MAP3K9: variants seen among roughly 807,000 people sequenced by gnomAD.
MAP3K9 encodes the protein mitogen-activated protein kinase kinase kinase 9.
In MAP3K9, 46 loss-of-function variants were observed where a neutral mutation model predicts 95.8. The observed-to-expected ratio is 0.48, with a 90% CI of 0.38 to 0.61. The LOEUF is 0.61. Ranked by LOEUF, MAP3K9 falls within the 20% of genes least tolerant of loss-of-function variation. MAP3K9 has a pLI of 0.00. For missense variants in MAP3K9, 1,296 were observed against 1,474.3 expected (o/e 0.88, Z 1.98); for synonymous variants, 533 against 593.8 (o/e 0.90, Z 1.49).
chr14:70,787,049 G>A (rs770495175), intron 2 of MAP3K9, among the ~76,000 whole-genome samples: 4 of 152,092 alleles, frequency 2.6e-5, no homozygotes, highest in Non-Finnish European at 4.4e-5. Flanking sequence ...ATATAGATAA[G>A]AATAGGAAAG....
At chr14:70,803,522 G>A (rs543118932) in intron 1 of MAP3K9, among the ~76,000 whole-genome samples, 13 of 152,086 alleles carry the variant, frequency 8.5e-5, no homozygotes, top group African/African-American at 3.1e-4. Flanking sequence ...AGCCAGCCCT[G>A]TAACGCCTCC....
intron 6 of MAP3K9, among the ~76,000 whole-genome samples, chr14:70,741,197 T>A (rs1320495381): frequency 6.6e-6 from 1 of 152,160 alleles, no homozygotes; most frequent in Non-Finnish European, 1.5e-5. Context: ...TTCAAGCAAT[T>A]CTCCTGCCTC....
intron 2 of MAP3K9, among the ~76,000 whole-genome samples, chr14:70,797,407 A>G (rs4902856): frequency 0.36 from 54,404 of 151,440 alleles, 10,263 homozygotes; most frequent in African/African-American, 0.44. Flanking sequence ...CAAGACTCCC[A>G]TCTCTATTAA....
At chr14:70,797,142 C>A (rs573013210) in intron 2 of MAP3K9, among the ~76,000 whole-genome samples, 42 of 152,162 alleles carry the variant, frequency 2.8e-4, no homozygotes, top group Non-Finnish European at 5.1e-4. Flanking sequence ...TTCTCTTTCC[C>A]ACAAAGACAG....
chr14:70,756,180 T>C (rs1255409867), intron 3 of MAP3K9, among the ~76,000 whole-genome samples: 1 of 152,214 alleles, frequency 6.6e-6, no homozygotes, highest in Non-Finnish European at 1.5e-5. Flanking sequence ...TCTGTCATCC[T>C]GAGAAGACTC....
intron 2 of MAP3K9, among the ~76,000 whole-genome samples, chr14:70,788,490 C>T (rs2054771748): frequency 6.6e-6 from 1 of 152,166 alleles, no homozygotes; most frequent in South Asian, 2.1e-4. Context: ...AGCTAAGCCA[C>T]AGAGGGTGTA....
intron 2 of MAP3K9, among the ~76,000 whole-genome samples, chr14:70,781,952 G>C (rs1298853154): frequency 6.6e-6 from 1 of 152,222 alleles, no homozygotes; most frequent in African/African-American, 2.4e-5. Flanking sequence ...CAGGTGATGG[G>C]ACATGGCATC....
chr14:70,805,369 G>A (rs1037459747), intron 1 of MAP3K9, among the ~76,000 whole-genome samples: 3 of 152,160 alleles, frequency 2.0e-5, no homozygotes, highest in Non-Finnish European at 4.4e-5. Flanking sequence ...TCTTGTTAGA[G>A]AAACTTTCAT....
intron 5 of MAP3K9, among the ~76,000 whole-genome samples, chr14:70,745,156 G>A (rs1381736316): frequency 6.6e-6 from 1 of 152,172 alleles, no homozygotes; most frequent in Non-Finnish European, 1.5e-5. Context: ...GTCTGAAAAA[G>A]CAGGATATTT....
intron 2 of MAP3K9, among the ~76,000 whole-genome samples, chr14:70,762,566 C>G (rs1258880993): frequency 6.6e-6 from 1 of 152,118 alleles, no homozygotes; most frequent in African/African-American, 2.4e-5. Context: ...AATGTCCACT[C>G]AATCCTTTGC....
chr14:70,739,825 T>C (rs2054042302), intron 7 of MAP3K9: 1 of 1,434,688 alleles, frequency 7.0e-7, no homozygotes, highest in African/African-American at 1.4e-5. Flanking sequence ...TGCTGATATG[T>C]GACTAAAAGG....
intron 5 of MAP3K9, 54 bp downstream of exon 5, chr14:70,748,775 G>A (rs1212746120): frequency 6.9e-7 from 1 of 1,454,170 alleles, no homozygotes; most frequent in Non-Finnish European, 9.4e-7. Context: ...CCAATTCAAT[G>A]CATGCCTTTT....
At chr14:70,768,000 A>ACACCACCTATATATAC (rs1489514221) in intron 2 of MAP3K9, among the ~76,000 whole-genome samples, 1 of 152,216 alleles carries the variant, frequency 6.6e-6, no homozygotes, top group Non-Finnish European at 1.5e-5. Context: ...CCCAATTAGG[A>ACACCACCTATATATAC]CACCACCTAT....
intron 2 of MAP3K9, among the ~76,000 whole-genome samples, chr14:70,773,417 A>C (rs2054555893): frequency 6.6e-6 from 1 of 152,228 alleles, no homozygotes; most frequent in Non-Finnish European, 1.5e-5. Flanking sequence ...CAAGGGATTA[A>C]TGATAGGAAA....
intron 3 of MAP3K9, among the ~76,000 whole-genome samples, chr14:70,752,259 G>C (rs2054238915): frequency 4.6e-5 from 7 of 152,184 alleles, no homozygotes; most frequent in Admixed American, 4.6e-4. Flanking sequence ...GCCATGTATT[G>C]TAGCTGTTTG....
chr14:70,742,454 G>A lies in MAP3K9; in HGVS notation c.1464C>T (p.Ile488=), dbSNP rs1461016418. 2 of 1,614,098 alleles carry A rather than the reference G, an allele frequency of 1.2e-6. No individual in the cohort carries two copies. The highest frequency in any genetic ancestry group is 2.7e-5 in the African/African-American group (2 of 74,926). The change falls in exon 6 of 12, where the codon ATC becomes ATT. Residue 488 remains isoleucine (I), a synonymous_variant. Coordinates refer to ENST00000554752, the MANE Select transcript of MAP3K9 (RefSeq NM_001284230.2). ...DILERELNII[I]HQLCQEKPRV... is the part of the protein sequence containing the mutation. ...GGGGCTTCTCCTGGCACAGCTGGTG[G>A]ATGATGATGTTGAGCTCCCGTTCCA...
At chr14:70,762,750 A>G (rs1594786971) in intron 2 of MAP3K9, among the ~76,000 whole-genome samples, 1 of 152,166 alleles carries the variant, frequency 6.6e-6, no homozygotes, top group Non-Finnish European at 1.5e-5. Flanking sequence ...ATTTAGATGA[A>G]GTCCACTTTA....
In MAP3K9 at chr14:70,730,217, C is replaced by T. The variant is rs2053874816; in HGVS notation, c.*163G>A. 1 of 1,050,534 alleles carries T rather than the reference C, an allele frequency of 9.5e-7. No individual in the cohort carries two copies. Among genetic ancestry groups the T allele is most frequent in the African/African-American group, 1.6e-5 (1 of 62,436 alleles). The allele number at this position is 1,050,534 out of a possible 1,614,324, so 65.1% of individuals were successfully genotyped here. A position where few individuals can be genotyped will look rare whatever the true frequency, so the allele number is the denominator to read the frequency against. On this transcript the variant is annotated 3_prime_UTR_variant, in exon 12 of 12. Transcript: ENST00000554752. The stretch of plus-strand genomic sequence containing the variant: ...GAAAGGCCCTGCAGGGCAGGAGACC[C>T]TCTGAAGTGGCCCTGTTTCCATCCC...
intron 1 of MAP3K9, among the ~76,000 whole-genome samples, chr14:70,808,067 C>T (rs1438002462): frequency 6.6e-6 from 1 of 152,226 alleles, no homozygotes; most frequent in Non-Finnish European, 1.5e-5. Context: ...CCTGATCTCC[C>T]ATGGGGGAAC....
Sources: allele counts gnomAD v4.1 joint callset (sites outside exome capture counted in the v4.1 genomes callset), GRCh38; gene constraint gnomAD v4.1.1; transcripts MANE v1.5; gene names NCBI Gene and HGNC (gene_info 2026-07-23, HGNC 2026-07-21).